The following FOXP2 variants were observed in gnomAD, a reference collection of about 807,000 sequenced individuals.
FOXP2 encodes forkhead box protein P2.
FOXP2 carries 12 observed loss-of-function variants against 115.8 expected under a neutral mutation model. That is an observed-to-expected ratio of 0.10 (90% CI 0.07 to 0.17). FOXP2 has a LOEUF of 0.17. Among genes scored for constraint, FOXP2 ranks in the 10% least tolerant of loss-of-function variants. The pLI is 1.00. For missense variants in FOXP2, 629 were observed against 843.5 expected, an observed-to-expected ratio of 0.75 and a Z score of 3.15; for synonymous variants, 328 against 297.7, an observed-to-expected ratio of 1.10 and a Z score of -1.05.
intron 3 of FOXP2, among the ~76,000 whole-genome samples, chr7:114,559,664 C>T (rs1192060318): frequency 2.0e-5 from 3 of 152,084 alleles, no homozygotes; most frequent in Admixed American, 6.6e-5. Context: ...GGGCAGATCA[C>T]GAGGTCAGGA....
chr7:114,584,664 C>T (rs1423014879), intron 3 of FOXP2, among the ~76,000 whole-genome samples: 3 of 152,132 alleles, frequency 2.0e-5, no homozygotes, highest in African/African-American at 7.2e-5. Flanking sequence ...TCACTCTGCC[C>T]TGAATATGTT....
chr7:114,689,933 A>T lies in FOXP2; in HGVS notation c.*7A>T, dbSNP rs1369602390. The stretch of plus-strand genomic sequence containing the variant: ...ATCTGAAGATCTGGAATGAGAACTG[A>T]CTTGTGAAACCTCAGCGTGAAGGGA... On this transcript the variant is annotated 3_prime_UTR_variant, in exon 17 of 17. Coordinates refer to ENST00000350908, the MANE Select transcript of FOXP2 (RefSeq NM_014491.4). 9.3e-6 allele frequency: 15 copies of T among 1,612,738 alleles called. No homozygotes were observed. The highest frequency in any genetic ancestry group is 1.3e-5 in the Non-Finnish European group (15 of 1,179,258).
At chr7:114,297,188 A>G (rs1796761159) in intron 2 of FOXP2, 1 of 496,498 alleles carries the variant, frequency 2.0e-6, no homozygotes, top group South Asian at 1.8e-5. Context: ...CTTGGCGTGG[A>G]TGTGTCCCCA....
At chr7:114,360,917 C>A (rs1396291069) in intron 2 of FOXP2, among the ~76,000 whole-genome samples, 2 of 152,116 alleles carry the variant, frequency 1.3e-5, no homozygotes, top group East Asian at 3.9e-4. Context: ...ATTTCATGGA[C>A]AACTTAAATA....
chr7:114,416,647 A>T (rs1355090151), intron 1 of FOXP2, among the ~76,000 whole-genome samples: 2 of 151,808 alleles, frequency 1.3e-5, no homozygotes, highest in African/African-American at 2.4e-5. Context: ...AACTGTTCTG[A>T]CTTTAAATCT....
chr7:114,601,115 A>G (rs1261027293), intron 3 of FOXP2, among the ~76,000 whole-genome samples: 1 of 151,912 alleles, frequency 6.6e-6, no homozygotes, highest in Non-Finnish European at 1.5e-5. Context: ...AAAAATGTGC[A>G]CCAGCACAAC....
intron 3 of FOXP2, among the ~76,000 whole-genome samples, chr7:114,586,441 A>T (rs1802134195): frequency 6.6e-6 from 1 of 152,088 alleles, no homozygotes; most frequent in East Asian, 1.9e-4. Flanking sequence ...GGTTCCATTT[A>T]TAAATACCTT....
intron 1 of FOXP2, among the ~76,000 whole-genome samples, chr7:114,143,462 A>C (rs898077916): frequency 1.3e-4 from 19 of 151,436 alleles, no homozygotes; most frequent in Non-Finnish European, 2.4e-4. Flanking sequence ...ATGCCCCCCC[A>C]CCCCCAGTCT....
chr7:114,474,697 A>G (rs769758728), intron 2 of FOXP2, among the ~76,000 whole-genome samples: 3 of 152,136 alleles, frequency 2.0e-5, no homozygotes, highest in Non-Finnish European at 4.4e-5. Flanking sequence ...GACTGCTGAC[A>G]AACATTTACA....
intron 2 of FOXP2, among the ~76,000 whole-genome samples, chr7:114,332,672 C>T (rs1490074839): frequency 1.3e-5 from 2 of 152,034 alleles, no homozygotes; most frequent in Non-Finnish European, 2.9e-5. Context: ...AAAGTTAAGA[C>T]TGAAATATAG....
intron 1 of FOXP2, among the ~76,000 whole-genome samples, chr7:114,254,261 A>G (rs1245683527): frequency 6.6e-6 from 1 of 152,070 alleles, no homozygotes; most frequent in Non-Finnish European, 1.5e-5. Context: ...TGAATCTGAC[A>G]ATTAGTGTCT....
Position 114,692,054 on chromosome 7 carries a change from G to A in FOXP2, c.*2128G>A, listed in dbSNP as rs1465336176. The A allele has an allele frequency of 1.1e-5, 5 of 453,718 alleles. No individual in the cohort carries two copies. Among genetic ancestry groups the A allele is most frequent in the Middle Eastern group, 6.9e-4 (1 of 1,456 alleles). The allele number at this position is 453,718 out of a possible 1,614,324, so 28.1% of individuals were successfully genotyped here. Reference sequence around the variant, plus strand: ...TGTTTGTCTTTGGGTCATGATCAACGAACCGGAAGTTTACAATATGGTATT... The same window carrying A: ...TGTTTGTCTTTGGGTCATGATCAACAAACCGGAAGTTTACAATATGGTATT... On this transcript the variant is annotated 3_prime_UTR_variant, in exon 17 of 17. Transcript: ENST00000350908.
At chr7:114,302,979 G>A (rs1796912292) in intron 2 of FOXP2, among the ~76,000 whole-genome samples, 2 of 152,124 alleles carry the variant, frequency 1.3e-5, no homozygotes, top group Admixed American at 1.3e-4. Context: ...TCAAGAAAAA[G>A]AACACAGCCT....
intron 1 of FOXP2, among the ~76,000 whole-genome samples, chr7:114,093,696 CAA>C (rs1452744804): frequency 6.6e-6 from 1 of 151,866 alleles, no homozygotes; most frequent in Non-Finnish European, 1.5e-5. Context: ...TCGTTACTGG[CAA>C]AGTCATGGCC....
At chr7:114,176,298 T>TTCTCTCTCTCTCTCTCTCTCTCTCTC (rs1554426487) in intron 1 of FOXP2, among the ~76,000 whole-genome samples, 7 of 76,576 alleles carry the variant, frequency 9.1e-5, no homozygotes, top group African/African-American at 3.8e-4. Context: ...CTTTCTTTCT[T>TTCTCTCTCTCTCTCTCTCTCTCTCTC]TCTCTCTCTC....
chr7:114,446,418 A>G (rs1274497273), intron 2 of FOXP2, among the ~76,000 whole-genome samples: 1 of 152,036 alleles, frequency 6.6e-6, no homozygotes, highest in African/African-American at 2.4e-5. Context: ...AGTAAATAAA[A>G]CAGCCAAAAT....
chr7:114,426,731 T>C (rs1793870739), intron 2 of FOXP2, 52 bp downstream of exon 2: 1 of 1,564,408 alleles, frequency 6.4e-7, no homozygotes, highest in East Asian at 2.3e-5. Context: ...CTTGTTTTAT[T>C]GAATATGAAA....
At chr7:114,252,640 C>G (rs1256538231) in intron 1 of FOXP2, among the ~76,000 whole-genome samples, 1 of 152,048 alleles carries the variant, frequency 6.6e-6, no homozygotes. Flanking sequence ...GTGGTGATAT[C>G]CCCTTTATCA....
At chr7:114,383,078 C>G (rs1792348192) in intron 2 of FOXP2, among the ~76,000 whole-genome samples, 1 of 152,154 alleles carries the variant, frequency 6.6e-6, no homozygotes, top group South Asian at 2.1e-4. Flanking sequence ...GACTGAGATA[C>G]CAGAGATCGC....
Sources: gnomAD v4.1 joint callset for allele counts (sites outside exome capture counted in the v4.1 genomes callset) on GRCh38, gnomAD v4.1.1 for gene constraint, MANE v1.5 for transcripts, NCBI Gene and HGNC (gene_info 2026-07-23, HGNC 2026-07-21) for gene names.